Variants in UBE3C observed in about 807,000 individuals in gnomAD.
The protein encoded by UBE3C is ubiquitin protein ligase E3C, also known as ubiquitin-protein ligase E3C.
UBE3C carries 42 observed loss-of-function variants against 129.4 expected under a neutral mutation model. The ratio of observed to expected loss-of-function variants is 0.32; its 90% CI spans 0.25 to 0.42. The LOEUF (loss-of-function observed/expected upper bound fraction) is 0.42, where lower values mean the gene tolerates loss of function less well. Ranked by LOEUF, UBE3C falls within the 10% of genes least tolerant of loss-of-function variation. UBE3C has a pLI of 1.00. For synonymous variants in UBE3C, 510 were observed against 492.4 expected, an observed-to-expected ratio of 1.04 and a Z score of -0.47; for missense variants, 1,049 against 1,319.1, an observed-to-expected ratio of 0.80 and a Z score of 3.17.
Position 157,265,756 on chromosome 7 carries a change from C to G in UBE3C, c.3082-1829C>G, listed in dbSNP as rs569748386. 1.2e-4 allele frequency among the ~76,000 whole-genome samples: 19 copies of G among 152,290 alleles called. 1 individual carries two copies. In the South Asian group the frequency reaches 3.9e-3, roughly 32 times the overall value. ...ATTTTCTCATGCGTGCATTTCATCT[C>G]TGGGAGCACTTAAGACGCTGAAGCG... On this transcript the variant is annotated intron_variant, in intron 22 of 22. Transcript: ENST00000348165.
intron 22 of UBE3C, among the ~76,000 whole-genome samples, chr7:157,258,461 CTTTGTTTT>C (rs925446222): frequency 4.6e-5 from 7 of 151,588 alleles, no homozygotes; most frequent in African/African-American, 1.7e-4. Context: ...TTGTTTGTTT[CTTTGTTTT>C]TGAGACGGAG....
chr7:157,197,612 A>G lies in UBE3C; in HGVS notation c.1332-4109A>G, dbSNP rs959048303. The G allele has an allele frequency of 4.4e-5, 70 of 1,603,752 alleles. No homozygotes were observed. In the African/African-American group the frequency reaches 7.8e-4, roughly 18 times the overall value. ...GATAGGAACAATATTATTTTAGTTG[A>G]TGGAGTAACACAGTGTTAAGAATAT... On this transcript the variant is annotated intron_variant, in intron 10 of 22. Coordinates refer to ENST00000348165, the MANE Select transcript of UBE3C (RefSeq NM_014671.3).
chr7:157,176,578 C>T (rs1317966163), intron 5 of UBE3C, among the ~76,000 whole-genome samples: 1 of 152,190 alleles, frequency 6.6e-6, no homozygotes, highest in Non-Finnish European at 1.5e-5. Context: ...CCCAGCCAAA[C>T]CCATGTTTCT....
chr7:157,168,532 A>T (rs1365433705), intron 2 of UBE3C, among the ~76,000 whole-genome samples: 1 of 152,228 alleles, frequency 6.6e-6, no homozygotes, highest in Non-Finnish European at 1.5e-5. Context: ...CCAAAGTGGG[A>T]GCAGCCCAGA....
intron 17 of UBE3C, among the ~76,000 whole-genome samples, chr7:157,230,556 G>C (rs1636606): frequency 2.9e-4 from 44 of 152,002 alleles, no homozygotes; most frequent in African/African-American, 9.7e-4. Flanking sequence ...TTAGCCAGGT[G>C]TGGTGGCACA....
At position 157,192,735 on chromosome 7, in the gene UBE3C, G is replaced by GAATGTGGTA. The variant is rs1023013932; in HGVS notation, c.1331+5722_1331+5723insAAATGTGGT. 6.4e-6 allele frequency: 6 copies of GAATGTGGTA among 939,170 alleles called. No homozygotes were observed. The African/African-American group carries it at 9.6e-5, about 15-fold the overall frequency. 58.2% of individuals were successfully genotyped at this position (939,170 alleles called of 1,614,324 possible). A position where few individuals can be genotyped will look rare whatever the true frequency, so the allele number is the denominator to read the frequency against. ...CCTTCGTCGAGAGTGCCCTTCTGAT[G>GAATGTGGTA]AATGTGGTGCTGGAGTGTTTATGGC... On this transcript the variant is annotated intron_variant, in intron 10 of 22. Coordinates refer to ENST00000348165, the MANE Select transcript of UBE3C (RefSeq NM_014671.3).
chr7:157,258,872 G>T lies in UBE3C; in HGVS notation c.3081+1828G>T, dbSNP rs184759502. Among the ~76,000 whole-genome samples the T allele has an allele frequency of 5.5e-3, 838 of 152,236 alleles. 7 individuals carry two copies. The highest frequency in any genetic ancestry group is 0.01 in the Middle Eastern group (3 of 294). The stretch of plus-strand genomic sequence containing the variant: ...AATTGACCAAATAACTTCTAAACCC[G>T]CACTGACCAATTGTTAACATTTTGC... On this transcript the variant is annotated intron_variant, in intron 22 of 22. Coordinates refer to ENST00000348165, the MANE Select transcript of UBE3C (RefSeq NM_014671.3).
intron 18 of UBE3C, among the ~76,000 whole-genome samples, chr7:157,237,893 A>G (rs374306761): frequency 7.9e-6 from 1 of 127,120 alleles, no homozygotes; most frequent in Non-Finnish European, 1.5e-5. Flanking sequence ...CCACTAAAAA[A>G]AAAAAAAAAG....
At chr7:157,192,718 G>C (rs549223458) in intron 10 of UBE3C, 2 of 832,178 alleles carry the variant, frequency 2.4e-6, no homozygotes, top group East Asian at 4.8e-5. Flanking sequence ...TGCCTTCGTC[G>C]AGAGTGCCCT....
chr7:157,226,083 A>G (rs1175456970), intron 17 of UBE3C, among the ~76,000 whole-genome samples: 2 of 151,932 alleles, frequency 1.3e-5, no homozygotes, highest in Non-Finnish European at 2.9e-5. Context: ...CCAGTTCCCC[A>G]CCTCCTGTTG....
At position 157,235,258 on chromosome 7, in the gene UBE3C, G is replaced by A. The variant is rs184755752; in HGVS notation, c.2481+3931G>A. Among the ~76,000 whole-genome samples, 6 of 152,242 alleles carry A rather than the reference G, an allele frequency of 3.9e-5. No individual in the cohort carries two copies. In the East Asian group the frequency reaches 1.2e-3, roughly 29 times the overall value. ...CCCTTAGTTCTTTCTGTTAAAGTGA[G>A]CCCAAGAACCTTCTAACTTAATATA... On this transcript the variant is annotated intron_variant, in intron 18 of 22. Transcript: ENST00000348165.
chr7:157,256,094 T>C (rs1182376), intron 21 of UBE3C, among the ~76,000 whole-genome samples: 145,435 of 152,230 alleles, frequency 0.96, 69,535 homozygotes, highest in East Asian at 0.99. Flanking sequence ...TCTTGGTGCC[T>C]GCATTCATCT....
At chr7:157,161,843 G>A (rs533277579) in intron 1 of UBE3C, among the ~76,000 whole-genome samples, 1 of 152,150 alleles carries the variant, frequency 6.6e-6, no homozygotes, top group Admixed American at 6.5e-5. Context: ...AGGCCAAGGC[G>A]GGCAGATCAC....
At chr7:157,156,853 T>C (rs1046820252) in intron 1 of UBE3C, among the ~76,000 whole-genome samples, 1 of 152,098 alleles carries the variant, frequency 6.6e-6, no homozygotes, top group East Asian at 1.9e-4. Context: ...TATATGATAT[T>C]CCATGTAGTG....
intron 5 of UBE3C, among the ~76,000 whole-genome samples, chr7:157,176,362 C>T (rs1483903382): frequency 6.6e-6 from 1 of 152,162 alleles, no homozygotes; most frequent in African/African-American, 2.4e-5. Context: ...GCAACCACTG[C>T]CTCCTGGGTT....
At chr7:157,182,424 A>G in intron 8 of UBE3C, 96 bp downstream of exon 8, 2 of 1,271,100 alleles carry the variant, frequency 1.6e-6, no homozygotes, top group Non-Finnish European at 1.1e-6. Context: ...TGTTATGGAA[A>G]GGTGGGCCTC....
At chr7:157,234,388 T>G (rs1248764617) in intron 18 of UBE3C, among the ~76,000 whole-genome samples, 1 of 152,216 alleles carries the variant, frequency 6.6e-6, no homozygotes, top group East Asian at 1.9e-4. Flanking sequence ...CTTGGCACCC[T>G]TGTTGAAAAT....
chr7:157,172,641 T>C (rs1808409064), intron 4 of UBE3C, among the ~76,000 whole-genome samples: 1 of 152,176 alleles, frequency 6.6e-6, no homozygotes, highest in Admixed American at 6.5e-5. Context: ...TGAAAGCCGT[T>C]GAATCTACCC....
At chr7:157,143,871 C>G (rs550909561) in intron 1 of UBE3C, among the ~76,000 whole-genome samples, 110 of 152,192 alleles carry the variant, frequency 7.2e-4, no homozygotes, top group African/African-American at 2.6e-3. Context: ...CAGGGTGGGA[C>G]TCGTGAGGTA....
Sources: allele counts gnomAD v4.1 joint callset (sites outside exome capture counted in the v4.1 genomes callset), GRCh38; gene constraint gnomAD v4.1.1; transcripts MANE v1.5; gene names NCBI Gene and HGNC (gene_info 2026-07-23, HGNC 2026-07-21).